The following TTLL10 variants were observed in gnomAD, a reference collection of about 807,000 sequenced individuals.
TTLL10 encodes inactive polyglycylase TTLL10.
A neutral mutation model predicts 69.0 loss-of-function variants in TTLL10; 61 were observed. That is an observed-to-expected ratio of 0.88 (90% CI 0.72 to 1.09). TTLL10 has a LOEUF of 1.09. Among genes scored for constraint, TTLL10 ranks in the 50% least tolerant of loss-of-function variants. TTLL10 has a pLI of 0.00. For missense variants in TTLL10, 962 were observed against 945.9 expected (o/e 1.02, Z -0.22); for synonymous variants, 408 against 393.3 (o/e 1.04, Z -0.44).
At chr1:1,196,201 T>C (rs9329409) in intron 13 of TTLL10, among the ~76,000 whole-genome samples, 57,075 of 152,146 alleles carry the variant, frequency 0.38, 12,389 homozygotes, top group East Asian at 0.85. Context: ...TGGGGATGCA[T>C]GCTGTTGGTT....
chr1:1,191,879 C>A (rs995080022), intron 13 of TTLL10, among the ~76,000 whole-genome samples: 1 of 152,268 alleles, frequency 6.6e-6, no homozygotes, highest in African/African-American at 2.4e-5. Flanking sequence ...AGGAACACGC[C>A]CTTAAGACAC....
chr1:1,193,188 G>A (rs1276764519), intron 13 of TTLL10, among the ~76,000 whole-genome samples: 1 of 152,092 alleles, frequency 6.6e-6, no homozygotes, highest in Non-Finnish European at 1.5e-5. Context: ...AGCCAGGCGT[G>A]GTGGTGAGCA....
chr1:1,176,938 C>G (rs11811377), intron 3 of TTLL10, among the ~76,000 whole-genome samples: 1 of 152,196 alleles, frequency 6.6e-6, no homozygotes, highest in Non-Finnish European at 1.5e-5. Flanking sequence ...ATCACCCCAG[C>G]CTTTTCCAGG....
chr1:1,183,701 A>G (rs910037102), intron 11 of TTLL10, among the ~76,000 whole-genome samples: 1 of 152,140 alleles, frequency 6.6e-6, no homozygotes, highest in African/African-American at 2.4e-5. Flanking sequence ...CCAGGCTCCT[A>G]CTGCGGTTAT....
At chr1:1,177,709 C>T (rs1006213226) in intron 3 of TTLL10, among the ~76,000 whole-genome samples, 2 of 152,206 alleles carry the variant, frequency 1.3e-5, no homozygotes. Context: ...TTAGAGGATC[C>T]CCTTCCCCAG....
intron 11 of TTLL10, among the ~76,000 whole-genome samples, chr1:1,183,444 G>A (rs897317206): frequency 1.3e-5 from 2 of 151,882 alleles, no homozygotes; most frequent in East Asian, 3.9e-4. Flanking sequence ...CCCCGTGGCT[G>A]CACGAGGCTG....
intron 13 of TTLL10, among the ~76,000 whole-genome samples, chr1:1,188,624 C>T (rs1040168511): frequency 1.5e-4 from 23 of 152,220 alleles, no homozygotes; most frequent in Admixed American, 9.2e-4. Flanking sequence ...AGGCTGATCT[C>T]GAACTCCTGA....
At chr1:1,192,214 C>T (rs1647848411) in intron 13 of TTLL10, among the ~76,000 whole-genome samples, 2 of 151,258 alleles carry the variant, frequency 1.3e-5, no homozygotes, top group African/African-American at 2.4e-5. Context: ...CTACTTCTCC[C>T]TTCAGATCTG....
At chr1:1,187,920 T>A (rs534053316) in intron 13 of TTLL10, among the ~76,000 whole-genome samples, 25 of 151,480 alleles carry the variant, frequency 1.7e-4, no homozygotes, top group African/African-American at 2.4e-4. Context: ...AAAAAAAAAA[T>A]TGCCAAATCC....
At chr1:1,178,821 C>G (rs938187262) in intron 3 of TTLL10, among the ~76,000 whole-genome samples, 13 of 152,290 alleles carry the variant, frequency 8.5e-5, no homozygotes, top group Admixed American at 7.2e-4. Flanking sequence ...AGAGAAGACC[C>G]CTGCTCAGGC....
chr1:1,182,216 A>C, intron 9 of TTLL10, 145 bp from the exon 10 acceptor site: 3 of 721,280 alleles, frequency 4.2e-6, no homozygotes, highest in Non-Finnish European at 7.4e-6. Context: ...CAGGAAACGC[A>C]AAGTCCCCAC....
intron 12 of TTLL10, 54 bp downstream of exon 12, chr1:1,184,145 G>A (rs1292717851): frequency 2.5e-6 from 4 of 1,610,608 alleles, no homozygotes; most frequent in Non-Finnish European, 3.4e-6. Flanking sequence ...GAGATTAGAA[G>A]GAGGTTCTCA....
At chr1:1,183,104 C>G (rs1460423246) in intron 11 of TTLL10, 57 bp downstream of exon 11, 1 of 1,519,626 alleles carries the variant, frequency 6.6e-7, no homozygotes, top group Non-Finnish European at 8.8e-7. Context: ...CCGGGCCCCA[C>G]TGGTGCAGTC....
chr1:1,185,310 C>G lies in TTLL10; in HGVS notation c.1401+201C>G. The G allele has an allele frequency of 7.2e-7, 1 of 1,397,544 alleles. No homozygotes were observed. Among genetic ancestry groups the G allele is most frequent in the Non-Finnish European group, 9.3e-7 (1 of 1,080,156 alleles). 86.6% of individuals were successfully genotyped at this position (1,397,544 alleles called of 1,614,324 possible). A position where few individuals can be genotyped will look rare whatever the true frequency, so the allele number is the denominator to read the frequency against. ...GCCTGTCCCCAGCAGCCAGCAAAGG[C>G]CCGGACGGAAAGCCCAGTCGGGGGT... On this transcript the variant is annotated intron_variant, in intron 13 of 15. Coordinates refer to ENST00000379289, the MANE Select transcript of TTLL10 (RefSeq NM_001130045.2). This position sits in a 1 kb window ranked among gnomAD's most constrained non-coding sequence, Gnocchi z 6.1.
rs1647080201 is a variant in TTLL10 at position 1,181,841 on chromosome 1, C to T, written c.830+26C>T. 1.3e-6 allele frequency: 2 copies of T among 1,581,812 alleles called. No individual in the cohort carries two copies. The highest frequency in any genetic ancestry group is 2.3e-5 in the East Asian group (1 of 44,066). On this transcript the variant is annotated intron_variant, in intron 9 of 15. Coordinates refer to ENST00000379289, the MANE Select transcript of TTLL10 (RefSeq NM_001130045.2). The surrounding 1 kb of genome is among the most constrained non-coding windows in gnomAD (Gnocchi z 4.6). ...GTAGACTCAGCCCAGCTGTGAGGGG[C>T]CCTTCAGACCGAAGTTCAGACCTAA...
At chr1:1,178,245 G>A (rs1051745937) in intron 3 of TTLL10, among the ~76,000 whole-genome samples, 2 of 152,088 alleles carry the variant, frequency 1.3e-5, no homozygotes, top group Admixed American at 6.5e-5. Flanking sequence ...TCTCCTGGGC[G>A]AGTTCCTTCA....
In TTLL10 at chr1:1,181,017, C is replaced by T; in HGVS notation, c.755+157C>T. Reference sequence around the variant, plus strand: ...GCTCCCAGGCTGGCTCCAGCCCCTGCCCCTGCCCTTGCCCCTGCCCCTGGC... The same window carrying T: ...GCTCCCAGGCTGGCTCCAGCCCCTGTCCCTGCCCTTGCCCCTGCCCCTGGC... On this transcript the variant is annotated intron_variant, in intron 8 of 15. Coordinates refer to ENST00000379289, the MANE Select transcript of TTLL10 (RefSeq NM_001130045.2). The surrounding 1 kb of genome is among the most constrained non-coding windows in gnomAD (Gnocchi z 4.6). The T allele has an allele frequency of 1.5e-5, 9 of 603,160 alleles. No individual in the cohort carries two copies. Among genetic ancestry groups the T allele is most frequent in the South Asian group, 2.5e-5 (1 of 39,904 alleles). The allele number at this position is 603,160 out of a possible 1,614,324, so 37.4% of individuals were successfully genotyped here. A position where few individuals can be genotyped will look rare whatever the true frequency, so the allele number is the denominator to read the frequency against.
rs558097938 is a variant in TTLL10 at position 1,189,875 on chromosome 1, G to A, written c.1401+4766G>A. 1.1e-4 allele frequency among the ~76,000 whole-genome samples: 16 copies of A among 152,224 alleles called. No individual in the cohort carries two copies. In the East Asian group the frequency reaches 2.9e-3, roughly 28 times the overall value. On this transcript the variant is annotated intron_variant, in intron 13 of 15. Coordinates refer to ENST00000379289, the MANE Select transcript of TTLL10 (RefSeq NM_001130045.2). ...TGCCTATAATCCCAGCACTTTGGGA[G>A]GCCGAGGAAGGTGGATCATGAGGTC...
In TTLL10 at chr1:1,197,547, G is replaced by T; in HGVS notation, c.1722G>T (p.Pro574=). ...LLHNGEADPR[P]HLGGSCSLRR... ...ACAACGGTGAGGCCGACCCGCGGCC[G>T]CACCTGGGGGGCTCGTGCAGCCTCC... is the stretch of plus-strand genomic sequence containing the variant. Residue 574 remains proline (P), a synonymous_variant, in exon 16 of 16, where the codon CCG becomes CCT. Transcript: ENST00000379289. The T allele has an allele frequency of 6.6e-7, 1 of 1,521,120 alleles. No individual in the cohort carries two copies. 94.2% of individuals were successfully genotyped at this position (1,521,120 alleles called of 1,614,324 possible).
Sources: gnomAD v4.1 joint callset for allele counts (sites outside exome capture counted in the v4.1 genomes callset) on GRCh38, gnomAD v4.1.1 for gene constraint, Gnocchi (gnomAD v3.1) non-coding constraint, MANE v1.5 for transcripts, NCBI Gene and HGNC (gene_info 2026-07-23, HGNC 2026-07-21) for gene names.